Variants in MPDZ observed in about 807,000 individuals in gnomAD.
MPDZ encodes multiple PDZ domain protein.
A neutral mutation model predicts 239.1 loss-of-function variants in MPDZ; 234 were observed. The observed-to-expected ratio is 0.98, with a 90% CI of 0.88 to 1.09. MPDZ has a LOEUF of 1.09. MPDZ is among the 50% of genes least tolerant of loss of function. MPDZ has a pLI of 0.00. For missense variants in MPDZ, 3,175 were observed against 2,510.0 expected (o/e 1.26, Z -5.66); for synonymous variants, 1,048 against 881.3 (o/e 1.19, Z -3.35).
rs1946731254 is a variant in MPDZ, at chr9:13,136,277, AACCC to A, written c.4293-99_4293-96del. On this transcript the variant is annotated intron_variant, in intron 30 of 46. Coordinates refer to ENST00000319217, the MANE Select transcript of MPDZ (RefSeq NM_001378778.1). Reference sequence around the variant, plus strand: ...AGAAGGTTATTAGAGAAAATTATTTAACCCCCAAAACCTGGAACTGTGACACTTA... The same window carrying A: ...AGAAGGTTATTAGAGAAAATTATTTACCAAAACCTGGAACTGTGACACTTA... The A allele has an allele frequency of 9.2e-6, 6 of 653,172 alleles. No individual in the cohort carries two copies. In the South Asian group the frequency reaches 1.4e-4, roughly 16 times the overall value. The allele number at this position is 653,172 out of a possible 1,614,324, so 40.5% of individuals were successfully genotyped here. A position where few individuals can be genotyped will look rare whatever the true frequency, so the allele number is the denominator to read the frequency against.
At chr9:13,196,356 G>A (rs1955648678) in intron 12 of MPDZ, 126 bp from the exon 13 acceptor site, 1 of 523,932 alleles carries the variant, frequency 1.9e-6, no homozygotes, top group Non-Finnish European at 3.4e-6. Flanking sequence ...CAATATATGG[G>A]CTATTCTCAT....
intron 36 of MPDZ, among the ~76,000 whole-genome samples, chr9:13,122,686 T>C (rs1944535092): frequency 6.6e-6 from 1 of 152,008 alleles, no homozygotes; most frequent in Admixed American, 6.6e-5. Context: ...CTAGCTAGTT[T>C]TTGTATTTTT....
intron 17 of MPDZ, among the ~76,000 whole-genome samples, chr9:13,187,201 C>T (rs899302936): frequency 4.6e-5 from 7 of 151,906 alleles, no homozygotes; most frequent in African/African-American, 1.7e-4. Context: ...TTAAGCCTCA[C>T]TTTGGGAAGT....
chr9:13,217,602 G>A (rs1042560611), intron 8 of MPDZ, among the ~76,000 whole-genome samples: 1 of 151,816 alleles, frequency 6.6e-6, no homozygotes, highest in African/African-American at 2.4e-5. Context: ...TCTATTTTCA[G>A]AGATGGCTCA....
chr9:13,121,309 G>A (rs1306067352), intron 38 of MPDZ, among the ~76,000 whole-genome samples: 1 of 152,004 alleles, frequency 6.6e-6, no homozygotes, highest in South Asian at 2.1e-4. Context: ...TAATTAAATA[G>A]GGTCACTTGG....
chr9:13,251,141 A>AAC (rs1181127154), intron 1 of MPDZ, among the ~76,000 whole-genome samples: 21 of 150,534 alleles, frequency 1.4e-4, no homozygotes, highest in African/African-American at 4.6e-4. Context: ...AAAAAAAAAA[A>AAC]AAAAAAAAAA....
chr9:13,272,598 C>G (rs1275472237), intron 1 of MPDZ, among the ~76,000 whole-genome samples: 1 of 151,220 alleles, frequency 6.6e-6, no homozygotes, highest in Non-Finnish European at 1.5e-5. Context: ...TGGCTCACTC[C>G]TGTAATCCCA....
intron 25 of MPDZ, among the ~76,000 whole-genome samples, chr9:13,150,035 T>C (rs983105423): frequency 1.2e-4 from 18 of 152,128 alleles, no homozygotes; most frequent in Non-Finnish European, 2.4e-4. Flanking sequence ...AAAGTACTTA[T>C]TGAAATAAAA....
intron 32 of MPDZ, among the ~76,000 whole-genome samples, chr9:13,128,381 A>C (rs902473344): frequency 6.6e-6 from 1 of 152,214 alleles, no homozygotes. Context: ...CCCCATTTAG[A>C]AGAAATAAGG....
intron 11 of MPDZ, among the ~76,000 whole-genome samples, chr9:13,205,609 A>T (rs1262495126): frequency 1.3e-5 from 2 of 152,044 alleles, no homozygotes; most frequent in Non-Finnish European, 2.9e-5. Flanking sequence ...GACATCCAGA[A>T]GTAAGGCAGA....
At chr9:13,151,388 G>A (rs796936446) in intron 24 of MPDZ, among the ~76,000 whole-genome samples, 8 of 152,138 alleles carry the variant, frequency 5.3e-5, no homozygotes, top group South Asian at 2.1e-4. Context: ...AGAGGTAGAA[G>A]CAAACCAATT....
Position 13,140,082 on chromosome 9 carries a change from G to A in MPDZ, c.3908C>T (p.Ser1303Leu), listed in dbSNP as rs765994775. The A allele has an allele frequency of 6.2e-7, 1 of 1,613,222 alleles. No homozygotes were observed. Among genetic ancestry groups the A allele is most frequent in the African/African-American group, 1.3e-5 (1 of 74,754 alleles). ...ATCACTACCCATTTCGGCAAAGGCTGAAGGAGGGGGTGGGGGCACACTGCA... is the reference window on the plus strand; with the variant it reads ...ATCACTACCCATTTCGGCAAAGGCTAAAGGAGGGGGTGGGGGCACACTGCA... ...PLCSVPPPPP[S>L]AFAEMGSDHT... is the part of the protein sequence containing the mutation. The change falls in exon 28 of 47, where the codon TCA becomes TTA. Residue 1303 changes from serine (S) to leucine (L), a missense_variant. By Grantham distance (145) the Ser-to-Leu change is moderately radical. Transcript: ENST00000319217.
chr9:13,202,581 ACC>A (rs1203236474), intron 12 of MPDZ, among the ~76,000 whole-genome samples: 16 of 151,844 alleles, frequency 1.1e-4, no homozygotes, highest in Admixed American at 2.0e-4. Context: ...CTCCCAATTC[ACC>A]CCAAGTGCTT....
At chr9:13,224,095 T>TA (rs887214756) in intron 4 of MPDZ, among the ~76,000 whole-genome samples, 48 of 148,062 alleles carry the variant, frequency 3.2e-4, no homozygotes, top group East Asian at 1.2e-3. Context: ...ATTTCTTTGT[T>TA]AAAAAAAAAA....
At chr9:13,230,144 T>C (rs1961942861) in intron 3 of MPDZ, among the ~76,000 whole-genome samples, 1 of 152,158 alleles carries the variant, frequency 6.6e-6, no homozygotes, top group Admixed American at 6.5e-5. Flanking sequence ...GAAATATCAC[T>C]GCGTACCTAT....
Position 13,202,908 on chromosome 9 carries a change from T to A in MPDZ, c.1546+2128A>T, listed in dbSNP as rs373328823. 6.6e-5 allele frequency among the ~76,000 whole-genome samples: 10 copies of A among 152,266 alleles called. No homozygotes were observed. The South Asian group carries it at 1.2e-3, about 19-fold the overall frequency. On this transcript the variant is annotated intron_variant, in intron 12 of 46. Coordinates refer to ENST00000319217, the MANE Select transcript of MPDZ (RefSeq NM_001378778.1). ...ATTTTTGTCTTTGATAGTTTCCAGT[T>A]GTATGTATATAGGAAGAAGGATGTG...
chr9:13,127,931 GAAT>G (rs897694783), intron 32 of MPDZ, among the ~76,000 whole-genome samples: 6 of 152,056 alleles, frequency 3.9e-5, no homozygotes, highest in African/African-American at 1.2e-4. Flanking sequence ...CTACAAAATG[GAAT>G]AATAATACTT....
chr9:13,202,030 C>T (rs1434884319), intron 12 of MPDZ, among the ~76,000 whole-genome samples: 1 of 152,018 alleles, frequency 6.6e-6, no homozygotes, highest in East Asian at 1.9e-4. Context: ...TTTCACAATC[C>T]TTGTATTTTT....
At chr9:13,139,563 C>T (rs1377187143) in intron 28 of MPDZ, among the ~76,000 whole-genome samples, 1 of 152,148 alleles carries the variant, frequency 6.6e-6, no homozygotes, top group Non-Finnish European at 1.5e-5. Context: ...TTTATCTCCA[C>T]AATTATACTA....
Sources: allele counts gnomAD v4.1 joint callset (sites outside exome capture counted in the v4.1 genomes callset), GRCh38; gene constraint gnomAD v4.1.1; transcripts MANE v1.5; gene names NCBI Gene and HGNC (gene_info 2026-07-23, HGNC 2026-07-21).